The following CD22 variants were observed in gnomAD, a reference collection of about 807,000 sequenced individuals.
The protein encoded by CD22 is CD22 molecule, also known as B-cell receptor CD22.
A neutral mutation model predicts 94.7 loss-of-function variants in CD22; 51 were observed. The ratio of observed to expected loss-of-function variants is 0.54; its 90% CI spans 0.43 to 0.68. The LOEUF (loss-of-function observed/expected upper bound fraction) is 0.68. Among genes scored for constraint, CD22 ranks in the 30% least tolerant of loss-of-function variants. The probability of loss-of-function intolerance (pLI) is 0.00; values close to 1 mark genes in which losing one functional copy is unlikely to be tolerated. For synonymous variants in CD22, 424 were observed against 422.5 expected (o/e 1.00, Z -0.04); for missense variants, 931 against 1,060.4 (o/e 0.88, Z 1.69).
rs1464238692 is a variant in CD22 at position 35,346,670 on chromosome 19, T to TGTGGACTATGTG, written c.2518_2529dup (p.Val840_Val843dup). 6.2e-7 allele frequency: 1 copy of TGTGGACTATGTG among 1,610,048 alleles called. No homozygotes were observed. The highest frequency in any genetic ancestry group is 8.5e-7 in the Non-Finnish European group (1 of 1,178,204). ...GGGAGCGGCCTCAGGCACAAGAAAA[T>TGTGGACTATGTG]GTGGACTATGTGATCCTCAAACATT... is the stretch of plus-strand genomic sequence containing the variant. On this transcript the variant is annotated inframe_insertion, in exon 14 of 14. Coordinates refer to ENST00000085219, the MANE Select transcript of CD22 (RefSeq NM_001771.4).
rs188716538 is a variant in CD22 at position 35,342,093 on chromosome 19, C to T, written c.2035+128C>T. On this transcript the variant is annotated intron_variant, in intron 9 of 13. Coordinates refer to ENST00000085219, the MANE Select transcript of CD22 (RefSeq NM_001771.4). ...TTCTTTTCCTCCTCCTCTTCTTCCC[C>T]TCCTCCTCCTCTTCCTCCTTCTTCT... 5.1e-4 allele frequency: 401 copies of T among 787,832 alleles called. 3 individuals carry two copies. In the African/African-American group the frequency reaches 6.3e-3, roughly 12 times the overall value. The allele number at this position is 787,832 out of a possible 1,614,324, so 48.8% of individuals were successfully genotyped here.
At chr19:35,332,193 A>G in intron 2 of CD22, 119 bp downstream of exon 2, 1 of 1,080,602 alleles carries the variant, frequency 9.3e-7, no homozygotes, top group South Asian at 1.3e-5. Flanking sequence ...AGCGGTGTGT[A>G]TAGATAAATG....
chr19:35,336,423 G>T, intron 4 of CD22, 82 bp downstream of exon 4: 1 of 1,390,940 alleles, frequency 7.2e-7, no homozygotes, highest in Non-Finnish European at 9.9e-7. Context: ...TGCACCCAGG[G>T]CAGGGGGAAG....
rs376620586 is a variant in CD22 at position 35,332,171 on chromosome 19, T to A, written c.34+97T>A. 9 of 1,388,744 alleles carry A rather than the reference T, an allele frequency of 6.5e-6. No individual in the cohort carries two copies. In the African/African-American group the frequency reaches 7.1e-5, roughly 11 times the overall value. The allele number at this position is 1,388,744 out of a possible 1,614,324, so 86.0% of individuals were successfully genotyped here. ...CAGGCAGAGAGGCGTCAACATAGGG[T>A]AGGGTGGGGGCAGCGGTGTGTATAG... On this transcript the variant is annotated intron_variant, in intron 2 of 13. Transcript: ENST00000085219.
chr19:35,346,348 C>T, intron 13 of CD22, 113 bp downstream of exon 13: 1 of 1,128,748 alleles, frequency 8.9e-7, no homozygotes, highest in Non-Finnish European at 1.3e-6. Flanking sequence ...TCCGTGGTGG[C>T]AGAGGTTGGG....
At position 35,346,805 on chromosome 19, in the gene CD22, C is replaced by T. The variant is rs980859971; in HGVS notation, c.*108C>T. 15 of 924,622 alleles carry T rather than the reference C, an allele frequency of 1.6e-5. No homozygotes were observed. The highest frequency in any genetic ancestry group is 1.9e-5 in the Non-Finnish European group (12 of 620,904). The allele number at this position is 924,622 out of a possible 1,614,324, so 57.3% of individuals were successfully genotyped here. A position where few individuals can be genotyped will look rare whatever the true frequency, so the allele number is the denominator to read the frequency against. ...TTCCTCCTGCGCGCATGTGCGCACA[C>T]ACACACACACACGCACACACACACA... On this transcript the variant is annotated 3_prime_UTR_variant, in exon 14 of 14. Coordinates refer to ENST00000085219, the MANE Select transcript of CD22 (RefSeq NM_001771.4).
intron 1 of CD22, 166 bp downstream of exon 1, chr19:35,329,396 C>A: frequency 2.4e-6 from 1 of 408,316 alleles, no homozygotes; most frequent in Non-Finnish European, 4.9e-6. Flanking sequence ...CTTGAGCATC[C>A]TCCTTGCCAG....
chr19:35,346,448 G>T (rs1238216231), intron 13 of CD22, 118 bp from the exon 14 acceptor site: 2 of 1,398,700 alleles, frequency 1.4e-6, no homozygotes, highest in Non-Finnish European at 2.0e-6. Flanking sequence ...TTCCTGACAC[G>T]AGGACACCCG....
intron 10 of CD22, 41 bp from the exon 11 acceptor site, chr19:35,345,010 G>T: frequency 1.2e-6 from 2 of 1,605,628 alleles, no homozygotes; most frequent in Non-Finnish European, 1.7e-6. Flanking sequence ...CCTCCAGCCT[G>T]TGGAGTCCCT....
chr19:35,342,851 C>T (rs1329388799), intron 9 of CD22, among the ~76,000 whole-genome samples: 3 of 152,148 alleles, frequency 2.0e-5, no homozygotes, highest in Admixed American at 1.3e-4. Context: ...CGATCTGTCA[C>T]CCAGGCTGGA....
Position 35,341,434 on chromosome 19 carries a change from C to T in CD22, c.1599C>T (p.Ser533=), listed in dbSNP as rs761806393. The part of the protein sequence containing the change: ...NSVSLQCDFS[S]SHPKEVQFFW... Reference sequence around the variant, plus strand: ...TCAGCCTCCAATGTGACTTCTCAAGCAGCCACCCCAAAGAAGTCCAGTTCT... The same window carrying T: ...TCAGCCTCCAATGTGACTTCTCAAGTAGCCACCCCAAAGAAGTCCAGTTCT... The change falls in exon 8 of 14, where the codon AGC becomes AGT. Residue 533 remains serine (S), a synonymous_variant. Coordinates refer to ENST00000085219, the MANE Select transcript of CD22 (RefSeq NM_001771.4). The surrounding 1 kb of genome is among the most constrained non-coding windows in gnomAD (Gnocchi z 4.0). The T allele has an allele frequency of 6.2e-7, 1 of 1,613,986 alleles. No homozygotes were observed. The highest frequency in any genetic ancestry group is 8.5e-7 in the Non-Finnish European group (1 of 1,180,008).
At chr19:35,346,128 C>A in intron 12 of CD22, 23 bp from the exon 13 acceptor site, 1 of 1,585,838 alleles carries the variant, frequency 6.3e-7, no homozygotes. Flanking sequence ...CATGCGTGGT[C>A]GTCTATCTGC....
intron 9 of CD22, chr19:35,344,582 G>T: frequency 4.2e-6 from 2 of 476,780 alleles, no homozygotes; most frequent in Non-Finnish European, 7.5e-6. Context: ...GCGGGTGCGG[G>T]TCACAGGCTC....
rs752131543 is a variant in CD22 at position 35,341,137 on chromosome 19, G to T, written c.1506G>T (p.Gln502His). ...SWASPVALNV[Q>H]YAPRDVRVRK... ...CCTCCCCTGTCGCCCTGAATGTCCA[G>T]TGTGAGTCCCTGGGCTAGGCAGGGG... Residue 502 changes from glutamine to histidine, a missense_variant and splice_region_variant, in exon 7 of 14, where the codon CAG (glutamine) becomes CAT (histidine). By Grantham distance (24) the Gln-to-His change is conservative. Transcript: ENST00000085219. This position sits in a 1 kb window ranked among gnomAD's most constrained non-coding sequence, Gnocchi z 4.0. 2 of 1,613,982 alleles carry T rather than the reference G, an allele frequency of 1.2e-6. No individual in the cohort carries two copies. Among genetic ancestry groups the T allele is most frequent in the Middle Eastern group, 1.6e-4 (1 of 6,082 alleles).
chr19:35,346,109 G>C (rs772254318), intron 12 of CD22, 42 bp from the exon 13 acceptor site: 15 of 1,461,838 alleles, frequency 1.0e-5, no homozygotes, highest in Non-Finnish European at 1.4e-5. Context: ...GAGTTCGTGG[G>C]AGATGCTTCA....
Position 35,337,614 on chromosome 19 carries a change from G to T in CD22, c.719-141G>T, listed in dbSNP as rs1568486599. On this transcript the variant is annotated intron_variant, in intron 4 of 13. Coordinates refer to ENST00000085219, the MANE Select transcript of CD22 (RefSeq NM_001771.4). The surrounding 1 kb of genome is among the most constrained non-coding windows in gnomAD (Gnocchi z 4.4). ...AGAGGAAGTGGGAGGGGGAAGCTGA[G>T]AGCCGAGTTAGGAGGCTGTGACCAT... The T allele has an allele frequency of 7.0e-6, 5 of 713,824 alleles. No homozygotes were observed. The South Asian group carries it at 7.9e-5, about 11-fold the overall frequency. The allele number at this position is 713,824 out of a possible 1,614,324, so 44.2% of individuals were successfully genotyped here. A position where few individuals can be genotyped will look rare whatever the true frequency, so the allele number is the denominator to read the frequency against.
At chr19:35,332,488 A>G in intron 2 of CD22, 59 bp from the exon 3 acceptor site, 1 of 1,457,392 alleles carries the variant, frequency 6.9e-7, no homozygotes, top group Non-Finnish European at 9.2e-7. Context: ...AATAAAAAAT[A>G]ACTTTTAAAA....
At position 35,332,696 on chromosome 19, in the gene CD22, C is replaced by G. The variant is rs749993637; in HGVS notation, c.184C>G (p.Pro62Ala). Reference sequence around the variant, plus strand: ...GGAAAGCTTCATCCTGTTCCACAATCCTGAGTATAACAAGAACACCTCGAA... The same window carrying G: ...GGAAAGCTTCATCCTGTTCCACAATGCTGAGTATAACAAGAACACCTCGAA... The part of the protein sequence containing the change: ...DLESFILFHN[P>A]EYNKNTSKFD... The change falls in exon 3 of 14, where the codon CCT (proline) becomes GCT (alanine). Residue 62 changes from proline to alanine, a missense_variant. Physicochemically the swap from Pro to Ala is conservative, Grantham distance 27 (BLOSUM62 -1). Coordinates refer to ENST00000085219, the MANE Select transcript of CD22 (RefSeq NM_001771.4). The G allele has an allele frequency of 6.2e-7, 1 of 1,614,118 alleles. No homozygotes were observed. Among genetic ancestry groups the G allele is most frequent in the East Asian group, 2.2e-5 (1 of 44,888 alleles).
rs763207241 is a variant in CD22, at chr19:35,341,345, GC to G, written c.1516del (p.Arg506GlufsTer3). Reference sequence around the variant, plus strand: ...AGCTTGGGACCCTTGCCCTCCAGATGCCCCCCGAGACGTGAGGGTCCGGAAA... The same window carrying G: ...AGCTTGGGACCCTTGCCCTCCAGATGCCCCCGAGACGTGAGGGTCCGGAAA... ...ASPVALNVQY[A>X]PRDVRVRKIK... On this transcript the variant is annotated frameshift_variant, in exon 8 of 14. Coordinates refer to ENST00000085219, the MANE Select transcript of CD22 (RefSeq NM_001771.4). LOFTEE classifies it high-confidence loss of function. The surrounding 1 kb of genome is among the most constrained non-coding windows in gnomAD (Gnocchi z 4.0). 6.2e-7 allele frequency: 1 copy of G among 1,612,828 alleles called. No homozygotes were observed. The highest frequency in any genetic ancestry group is 8.5e-7 in the Non-Finnish European group (1 of 1,179,194).
Sources: gnomAD v4.1 joint callset for allele counts (sites outside exome capture counted in the v4.1 genomes callset) on GRCh38, gnomAD v4.1.1 for gene constraint, Gnocchi (gnomAD v3.1) non-coding constraint, MANE v1.5 for transcripts, NCBI Gene and HGNC (gene_info 2026-07-23, HGNC 2026-07-21) for gene names.